Variants in SLCO5A1 observed in about 807,000 individuals in gnomAD.
The protein encoded by SLCO5A1 is organic anion transporter polypeptide-related protein 4.
SLCO5A1 carries 39 observed loss-of-function variants against 65.1 expected under a neutral mutation model. The observed-to-expected ratio is 0.60, with a 90% confidence interval of 0.46 to 0.78. SLCO5A1 has a LOEUF of 0.78. SLCO5A1 is among the 30% of genes least tolerant of loss of function. The pLI is 0.00. For synonymous variants in SLCO5A1, 438 were observed against 415.7 expected (o/e 1.05, Z -0.65); for missense variants, 1,029 against 1,069.4 (o/e 0.96, Z 0.53).
intron 5 of SLCO5A1, among the ~76,000 whole-genome samples, chr8:69,723,500 C>T (rs1014395488): frequency 4.6e-5 from 7 of 151,974 alleles, no homozygotes; most frequent in Non-Finnish European, 7.4e-5. Flanking sequence ...ATACTCCAGT[C>T]TCGGCCTCCC....
chr8:69,755,520 C>T lies in SLCO5A1; in HGVS notation c.1162G>A (p.Ala388Thr). The T allele has an allele frequency of 6.2e-7, 1 of 1,614,114 alleles. No individual in the cohort carries two copies. The highest frequency in any genetic ancestry group is 1.3e-5 in the African/African-American group (1 of 75,064). The change falls in exon 4 of 10, where the codon GCT becomes ACT. Residue 388 changes from alanine (A) to threonine (T), a missense_variant. Ala to Thr is a moderately conservative substitution (Grantham distance 58). Around this residue, in one of 3 missense-constraint regions of SLCO5A1, gnomAD observed 647 missense variants for 647.5 expected, o/e 1.00. Coordinates refer to ENST00000260126, the MANE Select transcript of SLCO5A1 (RefSeq NM_030958.3). ...KKKKKKFSVD[A>T]VSDDDVLKEK... ...TTCAGAACATCGTCATCACTAACAG[C>T]ATCAACAGAAAATTTTTTCTTTTTC... is the stretch of plus-strand genomic sequence containing the variant.
At chr8:69,744,287 G>C (rs1464696607) in intron 4 of SLCO5A1, among the ~76,000 whole-genome samples, 1 of 152,226 alleles carries the variant, frequency 6.6e-6, no homozygotes, top group African/African-American at 2.4e-5. Flanking sequence ...CCAGGCCTGT[G>C]AGAGCGGGCT....
intron 6 of SLCO5A1, among the ~76,000 whole-genome samples, chr8:69,697,366 G>C (rs1814541225): frequency 6.6e-6 from 1 of 152,094 alleles, no homozygotes; most frequent in South Asian, 2.1e-4. Flanking sequence ...CTCCTGCCTG[G>C]GCGACAGAGC....
intron 9 of SLCO5A1, among the ~76,000 whole-genome samples, chr8:69,675,537 T>A (rs1586669647): frequency 6.6e-6 from 1 of 152,126 alleles, no homozygotes; most frequent in South Asian, 2.1e-4. Context: ...GCATGTTTTT[T>A]AAAAAATGAT....
Position 69,832,741 on chromosome 8 carries a change from C to G in SLCO5A1, c.-68G>C. ...CTCCGGCACGTTTCATCCACCGGCACGAGGGGCCGAAGCCGGGCCCAGTCA... is the reference window on the plus strand; with the variant it reads ...CTCCGGCACGTTTCATCCACCGGCAGGAGGGGCCGAAGCCGGGCCCAGTCA... On this transcript the variant is annotated 5_prime_UTR_variant, in exon 2 of 10. Coordinates refer to ENST00000260126, the MANE Select transcript of SLCO5A1 (RefSeq NM_030958.3). The surrounding 1 kb of genome is among the most constrained non-coding windows in gnomAD (Gnocchi z 4.5). 1 of 1,507,888 alleles carries G rather than the reference C, an allele frequency of 6.6e-7. No homozygotes were observed. The highest frequency in any genetic ancestry group is 8.8e-7 in the Non-Finnish European group (1 of 1,133,124). 93.4% of individuals were successfully genotyped at this position (1,507,888 alleles called of 1,614,324 possible). A position where few individuals can be genotyped will look rare whatever the true frequency, so the allele number is the denominator to read the frequency against.
chr8:69,699,153 C>T (rs1444290037), intron 6 of SLCO5A1, among the ~76,000 whole-genome samples: 1 of 152,216 alleles, frequency 6.6e-6, no homozygotes, highest in Non-Finnish European at 1.5e-5. Flanking sequence ...AGCAAATTCC[C>T]ATCCCTTCTC....
At position 69,753,848 on chromosome 8, in the gene SLCO5A1, T is replaced by TAA. The variant is rs71275012; in HGVS notation, c.1258+1574_1258+1575dup. On this transcript the variant is annotated intron_variant, in intron 4 of 9. Transcript: ENST00000260126. ...CAACATGGTGGAATACCATCTCTGC[T>TAA]AAAAAAAAAAAATACAAAAATTAGC... Among the ~76,000 whole-genome samples the TAA allele has an allele frequency of 1.1e-3, 165 of 143,546 alleles. 1 individual carries two copies. Among genetic ancestry groups the TAA allele is most frequent in the African/African-American group, 3.9e-3 (153 of 39,154 alleles). 94.2% of individuals were successfully genotyped at this position (143,546 alleles called of 152,430 possible).
chr8:69,796,476 C>T (rs548832640), intron 2 of SLCO5A1, among the ~76,000 whole-genome samples: 11 of 151,948 alleles, frequency 7.2e-5, no homozygotes, highest in South Asian at 2.1e-4. Context: ...ATTAGCCAGG[C>T]GTGGTGGCAT....
intron 6 of SLCO5A1, among the ~76,000 whole-genome samples, chr8:69,704,019 G>A (rs1393869229): frequency 6.6e-6 from 1 of 152,162 alleles, no homozygotes; most frequent in Non-Finnish European, 1.5e-5. Context: ...CCACAGAGGT[G>A]TATTTACATC....
intron 5 of SLCO5A1, among the ~76,000 whole-genome samples, chr8:69,735,667 G>A (rs906377187): frequency 3.3e-5 from 5 of 152,140 alleles, no homozygotes; most frequent in African/African-American, 1.2e-4. Flanking sequence ...GGGGTCTGTT[G>A]TGGGATTGAG....
intron 4 of SLCO5A1, among the ~76,000 whole-genome samples, chr8:69,747,039 C>T (rs1688828433): frequency 6.6e-6 from 1 of 152,166 alleles, no homozygotes; most frequent in Admixed American, 6.5e-5. Context: ...GGACATTATT[C>T]AAACTAGCCA....
intron 2 of SLCO5A1, among the ~76,000 whole-genome samples, chr8:69,782,360 T>A (rs1194162284): frequency 6.6e-6 from 1 of 152,010 alleles, no homozygotes; most frequent in African/African-American, 2.4e-5. Context: ...GGAGGGAGGA[T>A]TGCTTGAGAC....
Position 69,716,362 on chromosome 8 carries a change from G to A in SLCO5A1, c.1424-11133C>T, listed in dbSNP as rs150650826. On this transcript the variant is annotated intron_variant, in intron 5 of 9. Coordinates refer to ENST00000260126, the MANE Select transcript of SLCO5A1 (RefSeq NM_030958.3). ...TACATGCCTAGAAATGGAATTACTGGATCATATGTTAACTCTGTGTTTGAG... is the reference window on the plus strand; with the variant it reads ...TACATGCCTAGAAATGGAATTACTGAATCATATGTTAACTCTGTGTTTGAG... Among the ~76,000 whole-genome samples, 861 of 151,738 alleles carry A rather than the reference G, an allele frequency of 5.7e-3. 6 individuals carry two copies. The highest frequency in any genetic ancestry group is 0.01 in the Middle Eastern group (3 of 294).
At chr8:69,705,318 G>GCAA in intron 5 of SLCO5A1, 89 bp from the exon 6 acceptor site, 3 of 1,291,514 alleles carry the variant, frequency 2.3e-6, no homozygotes, top group African/African-American at 1.5e-5. Flanking sequence ...GTAGTACTGA[G>GCAA]GTAAAAAATC....
At chr8:69,776,722 T>C (rs1187181832) in intron 2 of SLCO5A1, among the ~76,000 whole-genome samples, 1 of 151,758 alleles carries the variant, frequency 6.6e-6, no homozygotes, top group Non-Finnish European at 1.5e-5. Context: ...AAAAAAAATA[T>C]CTAGCAGGAA....
rs1192938683 is a variant in SLCO5A1, at chr8:69,832,198, C to T, written c.476G>A (p.Arg159His). ...CGACTCGGAACTCTTCAGACTGTAG[C>T]GCCTTTCAATGGTGGTAATTACGCT... ...LSSVITTIER[R>H]YSLKSSESGL... Residue 159 changes from arginine to histidine, a missense_variant, in exon 2 of 10, where the codon CGC becomes CAC. Physicochemically the swap from Arg to His is conservative, Grantham distance 29. Coordinates refer to ENST00000260126, the MANE Select transcript of SLCO5A1 (RefSeq NM_030958.3). The surrounding 1 kb of genome is among the most constrained non-coding windows in gnomAD (Gnocchi z 4.5). 6.2e-7 allele frequency: 1 copy of T among 1,614,170 alleles called. No individual in the cohort carries two copies. Among genetic ancestry groups the T allele is most frequent in the Non-Finnish European group, 8.5e-7 (1 of 1,180,026 alleles).
rs1426574358 is a variant in SLCO5A1 at position 69,680,073 on chromosome 8, G to A, written c.1783-454C>T. ...CTATTAAATGCAGAGAATTTATAGT[G>A]CAATCGTGATGACTTTAGCGCCAAT... is the stretch of plus-strand genomic sequence containing the variant. On this transcript the variant is annotated intron_variant, in intron 7 of 9. Coordinates refer to ENST00000260126, the MANE Select transcript of SLCO5A1 (RefSeq NM_030958.3). Among the ~76,000 whole-genome samples, 4 of 152,202 alleles carry A rather than the reference G, an allele frequency of 2.6e-5. No homozygotes were observed. In the East Asian group the frequency reaches 7.7e-4, roughly 29 times the overall value.
chr8:69,788,338 T>G (rs1819125676), intron 2 of SLCO5A1, among the ~76,000 whole-genome samples: 1 of 152,216 alleles, frequency 6.6e-6, no homozygotes, highest in African/African-American at 2.4e-5. Flanking sequence ...AATACGGAAT[T>G]GGATGGTAAT....
intron 5 of SLCO5A1, among the ~76,000 whole-genome samples, chr8:69,723,659 G>T (rs565895852): frequency 6.6e-6 from 1 of 152,224 alleles, no homozygotes; most frequent in East Asian, 1.9e-4. Context: ...AATATGAACA[G>T]GTTTATTAAC....
Sources: gnomAD v4.1 joint callset for allele counts (sites outside exome capture counted in the v4.1 genomes callset) on GRCh38, gnomAD v4.1.1 for gene constraint, gnomAD v4.1.1 regional missense constraint, Gnocchi (gnomAD v3.1) non-coding constraint, MANE v1.5 for transcripts, NCBI Gene and HGNC (gene_info 2026-07-23, HGNC 2026-07-21) for gene names.